GGNBP2: variants seen among roughly 807,000 people sequenced by gnomAD.
The protein encoded by GGNBP2 is gametogenetin binding protein 2.
In GGNBP2, 10 loss-of-function variants were observed where a neutral mutation model predicts 85.9. The ratio of observed to expected loss-of-function variants is 0.12; its 90% CI spans 0.07 to 0.20. The LOEUF is 0.20. GGNBP2 is among the 10% of genes least tolerant of loss of function. The probability of loss-of-function intolerance (pLI) is 1.00; values close to 1 mark genes in which losing one functional copy is unlikely to be tolerated. For synonymous variants in GGNBP2, 287 were observed against 285.7 expected (o/e 1.00, Z -0.05); for missense variants, 595 against 857.8 (o/e 0.69, Z 3.83).
At chr17:36,564,772 C>T (rs2142730930) in intron 5 of GGNBP2, among the ~76,000 whole-genome samples, 1 of 152,204 alleles carries the variant, frequency 6.6e-6, no homozygotes, top group African/African-American at 2.4e-5. Context: ...CCCCACCCCC[C>T]ATAGCTTTTT....
Position 36,587,204 on chromosome 17 carries a change from C to A in GGNBP2, c.1849C>A (p.Pro617Thr), listed in dbSNP as rs746824841. 4 of 1,614,092 alleles carry A rather than the reference C, an allele frequency of 2.5e-6. No individual in the cohort carries two copies. The highest frequency in any genetic ancestry group is 1.1e-5 in the South Asian group (1 of 91,080). The change falls in exon 13 of 14, where the codon CCC (proline) becomes ACC (threonine). Residue 617 changes from proline (P) to threonine (T), a missense_variant. By Grantham distance (38) the Pro-to-Thr change is conservative. This residue lies in a region of GGNBP2 where 120 missense variants were observed against 126.3 expected (regional missense o/e 0.95). Coordinates refer to ENST00000613102, the MANE Select transcript of GGNBP2 (RefSeq NM_024835.5). ...FAEPTETLFG[P>T]DSGKGAKSLV... The stretch of plus-strand genomic sequence containing the variant: ...AGAACCTACAGAAACGTTGTTTGGT[C>A]CCGATTCCGGAAAAGGTGCCAAGAG...
intron 13 of GGNBP2, 71 bp downstream of exon 13, chr17:36,587,316 T>C: frequency 1.3e-6 from 2 of 1,509,498 alleles, no homozygotes; most frequent in African/African-American, 1.4e-5. Flanking sequence ...GGGATAGTAT[T>C]TGAGGGCTTA....
intron 4 of GGNBP2, among the ~76,000 whole-genome samples, chr17:36,558,967 G>A (rs1455301835): frequency 6.6e-6 from 1 of 152,034 alleles, no homozygotes; most frequent in Non-Finnish European, 1.5e-5. Context: ...TGGTTGTGAG[G>A]GAGGCCATCA....
intron 2 of GGNBP2, among the ~76,000 whole-genome samples, chr17:36,553,439 G>C (rs1051101735): frequency 2.0e-5 from 3 of 152,074 alleles, no homozygotes; most frequent in African/African-American, 7.2e-5. Context: ...TTTGCTGTTA[G>C]AACAAACATG....
chr17:36,551,869 T>C (rs918861135), intron 2 of GGNBP2, among the ~76,000 whole-genome samples: 1 of 152,106 alleles, frequency 6.6e-6, no homozygotes, highest in Non-Finnish European at 1.5e-5. Flanking sequence ...GGTCTCAGTA[T>C]TATTAGATGT....
chr17:36,550,709 C>T (rs1316933260), intron 2 of GGNBP2, among the ~76,000 whole-genome samples: 1 of 152,162 alleles, frequency 6.6e-6, no homozygotes, highest in Non-Finnish European at 1.5e-5. Context: ...GTAATTGCAG[C>T]ACAATGACTT....
At chr17:36,586,281 T>G in intron 12 of GGNBP2, 83 bp downstream of exon 12, 1 of 1,497,924 alleles carries the variant, frequency 6.7e-7, no homozygotes, top group South Asian at 1.3e-5. Flanking sequence ...TATGTGCAGC[T>G]TAGCTGCTAG....
Position 36,545,720 on chromosome 17 carries a change from G to T in GGNBP2, c.-5G>T, listed in dbSNP as rs1450758291. 6.4e-7 allele frequency: 1 copy of T among 1,565,844 alleles called. No individual in the cohort carries two copies. The highest frequency in any genetic ancestry group is 8.7e-7 in the Non-Finnish European group (1 of 1,155,958). On this transcript the variant is annotated 5_prime_UTR_variant, in exon 2 of 14. Coordinates refer to ENST00000613102, the MANE Select transcript of GGNBP2 (RefSeq NM_024835.5). The stretch of plus-strand genomic sequence containing the variant: ...GTGACGGTGGCAACGGCAGCGTCGG[G>T]GACGATGGCGCGACTCGTGGCAGTG...
At chr17:36,581,644 C>A in intron 9 of GGNBP2, 106 bp downstream of exon 9, 1 of 749,716 alleles carries the variant, frequency 1.3e-6, no homozygotes. Flanking sequence ...CTTTGGGAGG[C>A]CCAGGGTGGA....
chr17:36,560,290 G>A (rs547083344), intron 4 of GGNBP2, among the ~76,000 whole-genome samples: 48 of 152,284 alleles, frequency 3.2e-4, no homozygotes, highest in African/African-American at 1.1e-3. Context: ...GGTAGAATTG[G>A]CAAACTTTGC....
Position 36,589,491 on chromosome 17 carries a change from G to C in GGNBP2, c.*80G>C. 9.4e-7 allele frequency: 1 copy of C among 1,058,866 alleles called. No homozygotes were observed. The highest frequency in any genetic ancestry group is 2.4e-5 in the East Asian group (1 of 42,032). 65.6% of individuals were successfully genotyped at this position (1,058,866 alleles called of 1,614,324 possible). A position where few individuals can be genotyped will look rare whatever the true frequency, so the allele number is the denominator to read the frequency against. ...TCTCTTTCGAAAAACTCTTAATTTA[G>C]TGACTTATGGCAAAATTTTATCTTA... On this transcript the variant is annotated 3_prime_UTR_variant, in exon 14 of 14. Transcript: ENST00000613102.
At chr17:36,587,885 C>CA (rs199505589) in intron 13 of GGNBP2, among the ~76,000 whole-genome samples, 32 of 151,626 alleles carry the variant, frequency 2.1e-4, no homozygotes, top group African/African-American at 7.0e-4. Context: ...GACTTTGTCT[C>CA]AAAAAAAACC....
At chr17:36,561,133 TC>T (rs1186832527) in intron 5 of GGNBP2, among the ~76,000 whole-genome samples, 28 of 152,110 alleles carry the variant, frequency 1.8e-4, no homozygotes, top group Non-Finnish European at 3.1e-4. Context: ...TTTTTTTTTT[TC>T]TTTTTTTGAG....
At position 36,585,693 on chromosome 17, in the gene GGNBP2, C is replaced by T. The variant is rs147297923; in HGVS notation, c.1367-147C>T. On this transcript the variant is annotated intron_variant, in intron 10 of 13. Coordinates refer to ENST00000613102, the MANE Select transcript of GGNBP2 (RefSeq NM_024835.5). ...TTTTCATTATTTAATTTACTTTCTACTTAAAAAAAAAATCCTTCATTGGAA... is the reference window on the plus strand; with the variant it reads ...TTTTCATTATTTAATTTACTTTCTATTTAAAAAAAAAATCCTTCATTGGAA... The T allele has an allele frequency of 3.6e-3, 2,576 of 711,886 alleles. 10 individuals carry two copies. Among genetic ancestry groups the T allele is most frequent in the Non-Finnish European group, 5.0e-3 (2,289 of 456,036 alleles). 44.1% of individuals were successfully genotyped at this position (711,886 alleles called of 1,614,324 possible). A position where few individuals can be genotyped will look rare whatever the true frequency, so the allele number is the denominator to read the frequency against.
At chr17:36,561,109 G>A (rs1599513506) in intron 5 of GGNBP2, among the ~76,000 whole-genome samples, 2 of 151,904 alleles carry the variant, frequency 1.3e-5, no homozygotes, top group East Asian at 3.9e-4. Flanking sequence ...TTTTAGAGGA[G>A]GGAGGTTGAA....
At chr17:36,568,717 T>C (rs1438823473) in intron 6 of GGNBP2, among the ~76,000 whole-genome samples, 2 of 152,202 alleles carry the variant, frequency 1.3e-5, no homozygotes, top group Non-Finnish European at 2.9e-5. Flanking sequence ...TAAAAGTAAC[T>C]TCAGATTTTT....
Position 36,545,835 on chromosome 17 carries a change from G to C in GGNBP2, c.93+18G>C. The stretch of plus-strand genomic sequence containing the variant: ...CCCTGACGGTGAGCGGGCCGGGCCG[G>C]GCTGGGCCCGCCGCTCCCCTGGCAG... On this transcript the variant is annotated intron_variant, in intron 2 of 13. Coordinates refer to ENST00000613102, the MANE Select transcript of GGNBP2 (RefSeq NM_024835.5). 6.6e-7 allele frequency: 1 copy of C among 1,505,344 alleles called. No individual in the cohort carries two copies. The highest frequency in any genetic ancestry group is 2.5e-5 in the East Asian group (1 of 40,644). 93.2% of individuals were successfully genotyped at this position (1,505,344 alleles called of 1,614,324 possible). A position where few individuals can be genotyped will look rare whatever the true frequency, so the allele number is the denominator to read the frequency against.
At chr17:36,547,071 A>C (rs984520932) in intron 2 of GGNBP2, 1 of 152,252 alleles carries the variant, frequency 6.6e-6, no homozygotes, top group Non-Finnish European at 1.5e-5. Flanking sequence ...AAAAGGTAGA[A>C]TGATTTGTTC....
chr17:36,567,664 G>T lies in GGNBP2; in HGVS notation c.529G>T (p.Gly177Cys). ...CACTAATATTTGTTCTTTCTACAGA[G>T]GTTGTTGGATGGATGTATGGGAACT... The part of the protein sequence containing the change: ...LDTHKPKPLG[G>C]CWMDVWELMS... Residue 177 changes from glycine (G) to cysteine (C), a missense_variant and splice_region_variant, in exon 6 of 14, where the codon GGT (glycine) becomes TGT (cysteine). Transcript: ENST00000613102. The T allele has an allele frequency of 6.5e-7, 1 of 1,533,534 alleles. No individual in the cohort carries two copies. The highest frequency in any genetic ancestry group is 9.0e-7 in the Non-Finnish European group (1 of 1,108,592). 95.0% of individuals were successfully genotyped at this position (1,533,534 alleles called of 1,614,324 possible).
Sources: gnomAD v4.1 joint callset for allele counts (sites outside exome capture counted in the v4.1 genomes callset) on GRCh38, gnomAD v4.1.1 for gene constraint, gnomAD v4.1.1 regional missense constraint, MANE v1.5 for transcripts, NCBI Gene and HGNC (gene_info 2026-07-23, HGNC 2026-07-21) for gene names.